Variants in AKAP9 observed in about 807,000 individuals in gnomAD.
The protein encoded by AKAP9 is A-kinase anchor protein 9.
A neutral mutation model predicts 488.5 loss-of-function variants in AKAP9; 311 were observed. The observed-to-expected ratio is 0.64, with a 90% CI of 0.58 to 0.70. AKAP9 has a LOEUF of 0.70. Ranked by LOEUF, AKAP9 falls within the 30% of genes least tolerant of loss-of-function variation. AKAP9 has a pLI of 0.00. For missense variants in AKAP9, 4,215 were observed against 4,374.5 expected, an observed-to-expected ratio of 0.96 and a Z score of 1.03; for synonymous variants, 1,462 against 1,483.5, an observed-to-expected ratio of 0.99 and a Z score of 0.33.
At chr7:92,010,453 T>G (rs1213286485) in intron 8 of AKAP9, among the ~76,000 whole-genome samples, 1 of 152,248 alleles carries the variant, frequency 6.6e-6, no homozygotes, top group African/African-American at 2.4e-5. Context: ...AGTCAGGGCG[T>G]GCACTACTGC....
intron 1 of AKAP9, among the ~76,000 whole-genome samples, chr7:91,961,646 C>T (rs1793744252): frequency 6.6e-6 from 1 of 151,704 alleles, no homozygotes; most frequent in African/African-American, 2.4e-5. Flanking sequence ...AGATTGAGAC[C>T]ATCCTAGCTA....
intron 28 of AKAP9, 26 bp from the exon 29 acceptor site, chr7:92,076,829 C>T: frequency 7.5e-7 from 1 of 1,325,822 alleles, no homozygotes; most frequent in Non-Finnish European, 1.0e-6. Flanking sequence ...AACATTTTTT[C>T]TCTTTTGATA....
chr7:91,966,696 GTGTC>G (rs1794479665), intron 1 of AKAP9, among the ~76,000 whole-genome samples: 2 of 152,152 alleles, frequency 1.3e-5, no homozygotes, highest in Non-Finnish European at 2.9e-5. Flanking sequence ...ATTGGTCTGT[GTGTC>G]TGTTTTTATG....
intron 28 of AKAP9, among the ~76,000 whole-genome samples, chr7:92,074,256 T>G (rs1233288296): frequency 6.6e-6 from 1 of 152,002 alleles, no homozygotes; most frequent in Non-Finnish European, 1.5e-5. Flanking sequence ...CCAAAAAACA[T>G]ACGAAGAAAA....
chr7:92,016,038 A>G, intron 10 of AKAP9, 91 bp from the exon 11 acceptor site: 1 of 1,060,786 alleles, frequency 9.4e-7, no homozygotes, highest in Non-Finnish European at 1.4e-6. Flanking sequence ...TGCCATTTTG[A>G]CCGCCTTGCA....
At chr7:92,041,887 T>C (rs1806168134) in intron 18 of AKAP9, 159 bp from the exon 19 acceptor site, 3 of 667,322 alleles carry the variant, frequency 4.5e-6, no homozygotes, top group Non-Finnish European at 7.3e-6. Context: ...AAATTTTGCA[T>C]TGATCTTTGT....
Position 92,002,139 on chromosome 7 carries a change from T to A in AKAP9, c.2222T>A (p.Leu741His). Residue 741 changes from leucine (L) to histidine (H), a missense_variant, in exon 8 of 50, where the codon CTT becomes CAT. Physicochemically the swap from Leu to His is moderately conservative, Grantham distance 99 (BLOSUM62 -3). Coordinates refer to ENST00000356239, the MANE Select transcript of AKAP9 (RefSeq NM_005751.5). ...CAAGAAGAAAAAGAAAAGGGTACAC[T>A]TGAACAAGAAGTTCAAGAATTACAA... ...LRQEEKEKGT[L>H]EQEVQELQLK... 6.3e-7 allele frequency: 1 copy of A among 1,593,696 alleles called. No homozygotes were observed. The highest frequency in any genetic ancestry group is 1.2e-5 in the South Asian group (1 of 85,526).
Position 92,110,454 on chromosome 7 carries a change from T to A in AKAP9, c.*295T>A. 2.3e-6 allele frequency: 1 copy of A among 440,336 alleles called. No homozygotes were observed. The highest frequency in any genetic ancestry group is 4.1e-6 in the Non-Finnish European group (1 of 241,298). 27.3% of individuals were successfully genotyped at this position (440,336 alleles called of 1,614,324 possible). On this transcript the variant is annotated 3_prime_UTR_variant, in exon 50 of 50. Coordinates refer to ENST00000356239, the MANE Select transcript of AKAP9 (RefSeq NM_005751.5). ...ATCAAATGGGTGAAAAGATTAAACT[T>A]TTACGCATTACAATACTGCTGAATG...
intron 1 of AKAP9, among the ~76,000 whole-genome samples, chr7:91,962,874 ATG>A (rs1793892196): frequency 6.6e-6 from 1 of 152,034 alleles, no homozygotes; most frequent in African/African-American, 2.4e-5. Flanking sequence ...CTCATTTATT[ATG>A]TGTTTGCACA....
intron 3 of AKAP9, among the ~76,000 whole-genome samples, chr7:91,987,433 A>G (rs1225315951): frequency 6.6e-6 from 1 of 151,988 alleles, no homozygotes; most frequent in Non-Finnish European, 1.5e-5. Flanking sequence ...AAAAAAAAAG[A>G]AGAAAAAAGA....
rs770211331 is a variant in AKAP9 at position 92,099,668 on chromosome 7, C to T, written c.10714-19C>T. On this transcript the variant is annotated intron_variant, in intron 43 of 49. Coordinates refer to ENST00000356239, the MANE Select transcript of AKAP9 (RefSeq NM_005751.5). ...ATCCATTTGTGCTTAAGTGACCTTA[C>T]ACCATTTTATTTTTCCAGCCCAGCT... 6.2e-7 allele frequency: 1 copy of T among 1,613,526 alleles called. No homozygotes were observed. The highest frequency in any genetic ancestry group is 8.5e-7 in the Non-Finnish European group (1 of 1,179,554).
intron 8 of AKAP9, among the ~76,000 whole-genome samples, chr7:92,007,409 G>T (rs1800057432): frequency 6.7e-6 from 1 of 148,638 alleles, no homozygotes; most frequent in Admixed American, 6.9e-5. Flanking sequence ...CCTCCGCCAT[G>T]CCTGGCAAAT....
chr7:91,980,596 G>C (rs1281999337), intron 3 of AKAP9, among the ~76,000 whole-genome samples: 2 of 128,934 alleles, frequency 1.6e-5, no homozygotes, highest in African/African-American at 2.9e-5. Flanking sequence ...TTTGATATTG[G>C]GTTTCTTAGA....
chr7:91,946,417 A>G (rs1791459383), intron 1 of AKAP9, among the ~76,000 whole-genome samples: 1 of 147,652 alleles, frequency 6.8e-6, no homozygotes, highest in Non-Finnish European at 1.5e-5. Flanking sequence ...TTGAGACGAG[A>G]TCTCGCTGTG....
chr7:92,063,116 A>T (rs890635221), intron 24 of AKAP9, among the ~76,000 whole-genome samples: 2 of 152,160 alleles, frequency 1.3e-5, no homozygotes, highest in African/African-American at 4.8e-5. Context: ...TCTCACTTTT[A>T]TATTACACGT....
At chr7:92,109,047 A>AAC in intron 49 of AKAP9, 1 of 252,742 alleles carries the variant, frequency 4.0e-6, no homozygotes, top group African/African-American at 2.4e-5. Flanking sequence ...CCCTGTCTCA[A>AAC]AGAAAAAAAA....
intron 1 of AKAP9, among the ~76,000 whole-genome samples, chr7:91,963,610 C>A (rs1436180321): frequency 6.6e-6 from 1 of 152,030 alleles, no homozygotes; most frequent in African/African-American, 2.4e-5. Context: ...CTCCGCCTCC[C>A]GGATTCACAC....
At chr7:92,098,775 C>T (rs1031797892) in intron 43 of AKAP9, among the ~76,000 whole-genome samples, 2 of 152,182 alleles carry the variant, frequency 1.3e-5, no homozygotes, top group Non-Finnish European at 2.9e-5. Flanking sequence ...TGAGCTCTCA[C>T]TAGACTTATT....
At chr7:91,941,931 T>A (rs1386677365) in intron 1 of AKAP9, among the ~76,000 whole-genome samples, 1 of 151,260 alleles carries the variant, frequency 6.6e-6, no homozygotes, top group Non-Finnish European at 1.5e-5. Context: ...TGGAAAAGCC[T>A]GTAAAGCAAA....
Sources: allele counts gnomAD v4.1 joint callset (sites outside exome capture counted in the v4.1 genomes callset), GRCh38; gene constraint gnomAD v4.1.1; transcripts MANE v1.5; gene names NCBI Gene and HGNC (gene_info 2026-07-23, HGNC 2026-07-21).